TRANK1: variants seen among roughly 807,000 people sequenced by gnomAD.
TRANK1 encodes tetratricopeptide repeat and ankyrin repeat containing 1.
TRANK1 carries 198 observed loss-of-function variants against 266.0 expected under a neutral mutation model. The ratio of observed to expected loss-of-function variants is 0.74; its 90% CI spans 0.66 to 0.84. The LOEUF is 0.84. TRANK1 is among the 40% of genes least tolerant of loss of function. TRANK1 has a pLI of 0.00. For synonymous variants in TRANK1, 1,396 were observed against 1,384.1 expected, an observed-to-expected ratio of 1.01 and a Z score of -0.19; for missense variants, 3,326 against 3,634.6, an observed-to-expected ratio of 0.92 and a Z score of 2.18.
intron 12 of TRANK1, 104 bp downstream of exon 12, chr3:36,858,614 C>G (rs1483258547): frequency 7.6e-7 from 1 of 1,318,448 alleles, no homozygotes; most frequent in East Asian, 2.7e-5. Context: ...GGGCCTTTTT[C>G]AGATCACTGG....
intron 7 of TRANK1, among the ~76,000 whole-genome samples, chr3:36,891,129 C>T (rs1006318474): frequency 1.2e-4 from 19 of 152,158 alleles, no homozygotes; most frequent in Admixed American, 1.1e-3. Context: ...CACTTGAGAT[C>T]AGGAGTTTGA....
intron 9 of TRANK1, 143 bp from the exon 10 acceptor site, chr3:36,864,623 C>T: frequency 1.5e-6 from 1 of 681,496 alleles, no homozygotes; most frequent in Non-Finnish European, 2.3e-6. Context: ...AGAAGTGGAG[C>T]CTCTTTCCCC....
Position 36,838,462 on chromosome 3 carries a change from C to G in TRANK1, c.5427G>C (p.Leu1809Phe). The G allele has an allele frequency of 1.2e-6, 2 of 1,614,062 alleles. No individual in the cohort carries two copies. Among genetic ancestry groups the G allele is most frequent in the Non-Finnish European group, 1.7e-6 (2 of 1,179,906 alleles). ...LEYLELAKTY[L>F]ECKEPTLSLK... ...GGGACAGTGTTGGCTCTTTGCACTC[C>G]AAATAGGTCTTAGCCAATTCCAAAT... Residue 1809 changes from leucine to phenylalanine, a missense_variant, in exon 20 of 24, where the codon TTG (leucine) becomes TTC (phenylalanine). By Grantham distance (22) the Leu-to-Phe change is conservative. Transcript: ENST00000645898.
chr3:36,847,173 A>G lies in TRANK1; in HGVS notation c.5034+27T>C, dbSNP rs369028545. On this transcript the variant is annotated intron_variant, in intron 16 of 23. Transcript: ENST00000645898. ...TTTTCACTACTTCCATGTCAAGTAC[A>G]TGTGTTGACAAATGGCAGAAATTCA... 82 of 1,605,732 alleles carry G rather than the reference A, an allele frequency of 5.1e-5. 1 individual carries two copies. Among genetic ancestry groups the G allele is most frequent in the Non-Finnish European group, 6.8e-5 (80 of 1,174,780 alleles).
chr3:36,842,514 A>G, intron 18 of TRANK1, 108 bp downstream of exon 18: 1 of 927,256 alleles, frequency 1.1e-6, no homozygotes, highest in East Asian at 2.6e-5. Context: ...TGGCACAAGC[A>G]CCATTACGCT....
At position 36,828,273 on chromosome 3, in the gene TRANK1, C is replaced by T; in HGVS notation, c.*2G>A. The T allele has an allele frequency of 6.2e-7, 1 of 1,607,244 alleles. No homozygotes were observed. The highest frequency in any genetic ancestry group is 1.7e-4 in the Middle Eastern group (1 of 6,032). ...GATGAGGAGGCTGCAGCTGTGTGGACATTAGTATTTTCTCTGCTTTCCACA... is the reference window on the plus strand; with the variant it reads ...GATGAGGAGGCTGCAGCTGTGTGGATATTAGTATTTTCTCTGCTTTCCACA... On this transcript the variant is annotated 3_prime_UTR_variant, in exon 24 of 24. Transcript: ENST00000645898.
chr3:36,885,945 T>C (rs1219092272), intron 8 of TRANK1, among the ~76,000 whole-genome samples: 1 of 152,018 alleles, frequency 6.6e-6, no homozygotes, highest in African/African-American at 2.4e-5. Flanking sequence ...TAAAATTAGT[T>C]CAAAATAAAA....
intron 2 of TRANK1, among the ~76,000 whole-genome samples, chr3:36,905,011 C>T (rs970535910): frequency 3.3e-5 from 5 of 152,018 alleles, no homozygotes; most frequent in Non-Finnish European, 4.4e-5. Context: ...CTGGGTAGGC[C>T]GGGCACAGTG....
chr3:36,851,926 G>A (rs2078989838), intron 14 of TRANK1, 70 bp from the exon 15 acceptor site: 13 of 1,496,190 alleles, frequency 8.7e-6, no homozygotes, highest in Non-Finnish European at 1.2e-5. Flanking sequence ...ATTTCTATGG[G>A]AGATAGGTAA....
At position 36,879,591 on chromosome 3, in the gene TRANK1, A is replaced by AAT. The variant is rs1553624209; in HGVS notation, c.908-5297_908-5296dup. Among the ~76,000 whole-genome samples the AAT allele has an allele frequency of 1.3e-4, 13 of 103,416 alleles. 4 individuals carry two copies. Among genetic ancestry groups the AAT allele is most frequent in the African/African-American group, 2.7e-4 (6 of 22,410 alleles). 67.8% of individuals were successfully genotyped at this position (103,416 alleles called of 152,430 possible). On this transcript the variant is annotated intron_variant, in intron 8 of 23. Transcript: ENST00000645898. ...ATATATAAATATATATAAATATACA[A>AAT]ATATATAAATATATATAAATATACA... is the stretch of plus-strand genomic sequence containing the variant.
intron 1 of TRANK1, among the ~76,000 whole-genome samples, chr3:36,922,174 A>T (rs527413100): frequency 5.3e-5 from 8 of 152,022 alleles, no homozygotes; most frequent in South Asian, 2.1e-4. Context: ...AATAAATAAA[A>T]AATGAAAGCA....
chr3:36,923,092 G>A (rs4678915), intron 1 of TRANK1, among the ~76,000 whole-genome samples: 52,159 of 151,896 alleles, frequency 0.34, 9,708 homozygotes, highest in Non-Finnish European at 0.43. Flanking sequence ...AGCACTGCAC[G>A]TAGCATTCTG....
chr3:36,840,233 CAA>C (rs755362525), intron 18 of TRANK1, among the ~76,000 whole-genome samples: 45 of 131,678 alleles, frequency 3.4e-4, no homozygotes, highest in Non-Finnish European at 3.5e-4. Context: ...CCTGCCCCAC[CAA>C]AAAAAAAAAA....
chr3:36,938,065 T>C (rs186533447), intron 1 of TRANK1, among the ~76,000 whole-genome samples: 17 of 152,282 alleles, frequency 1.1e-4, no homozygotes, highest in Admixed American at 1.0e-3. Flanking sequence ...GAAAACACCG[T>C]TCACTGCTGC....
chr3:36,858,583 G>T, intron 12 of TRANK1, 135 bp downstream of exon 12: 12 of 1,026,622 alleles, frequency 1.2e-5, no homozygotes, highest in Non-Finnish European at 1.6e-5. Flanking sequence ...CAGGTGACAT[G>T]GGCAGGCCTG....
chr3:36,836,329 C>T (rs1575180905), intron 20 of TRANK1, among the ~76,000 whole-genome samples: 3 of 152,106 alleles, frequency 2.0e-5, no homozygotes, highest in Non-Finnish European at 2.9e-5. Flanking sequence ...CCAGTGGCAA[C>T]CTGGAAGTGC....
chr3:36,857,396 G>C lies in TRANK1; in HGVS notation c.2326C>G (p.Leu776Val). 1.9e-6 allele frequency: 3 copies of C among 1,612,822 alleles called. No homozygotes were observed. The highest frequency in any genetic ancestry group is 2.5e-6 in the Non-Finnish European group (3 of 1,179,262). ...CTACAGTCAGGGGCCCCTGCACCCA[G>C]AGTCGGCTTGTCATCTTTCTTTCCT... ...KEGKKDDKPT[L>V]GAGAPDCSEV... is the part of the protein sequence containing the mutation. Residue 776 changes from leucine to valine, a missense_variant, in exon 13 of 24, where the codon CTG becomes GTG. Leu to Val is a conservative substitution (Grantham distance 32, BLOSUM62 1). Coordinates refer to ENST00000645898, the MANE Select transcript of TRANK1 (RefSeq NM_001329998.2). This position sits in a 1 kb window ranked among gnomAD's most constrained non-coding sequence, Gnocchi z 4.3.
intron 21 of TRANK1, chr3:36,834,479 A>G (rs1244806810): frequency 3.2e-6 from 1 of 309,950 alleles, no homozygotes; most frequent in African/African-American, 2.2e-5. Flanking sequence ...TATTCTGCTG[A>G]TGGAAGTCAG....
intron 20 of TRANK1, among the ~76,000 whole-genome samples, chr3:36,835,612 G>A (rs2078761466): frequency 6.6e-6 from 1 of 152,080 alleles, no homozygotes; most frequent in Non-Finnish European, 1.5e-5. Flanking sequence ...GGATCAAACT[G>A]ATACATCAAA....
Sources: allele counts gnomAD v4.1 joint callset (sites outside exome capture counted in the v4.1 genomes callset), GRCh38; gene constraint gnomAD v4.1.1; non-coding constraint Gnocchi (gnomAD v3.1); transcripts MANE v1.5; gene names NCBI Gene and HGNC (gene_info 2026-07-23, HGNC 2026-07-21).